RGS22: variants seen among roughly 807,000 people sequenced by gnomAD.
RGS22 encodes regulator of G protein signaling 22, also known as regulator of G-protein signaling 22.
Under a neutral mutation model 172.9 loss-of-function variants are expected in RGS22, and 148 were observed. The ratio of observed to expected loss-of-function variants is 0.86; its 90% CI spans 0.75 to 0.98. The LOEUF is 0.98. RGS22 is among the 50% of genes least tolerant of loss of function. The pLI, the probability that RGS22 is intolerant of heterozygous loss-of-function variation, is 0.00. For synonymous variants in RGS22, 458 were observed against 480.2 expected, an observed-to-expected ratio of 0.95 and a Z score of 0.60; for missense variants, 1,347 against 1,440.8, an observed-to-expected ratio of 0.93 and a Z score of 1.05.
At position 100,063,857 on chromosome 8, in the gene RGS22, C is replaced by T. The variant is rs994453098; in HGVS notation, c.911G>A (p.Ser304Asn). ...YLEKKQDVDE[S>N]LTMHFSTCEE... ...ACATGTTGAGAAATGCATTGTCAGG[C>T]TTTCATCAACATCCTGTTTCTTTTC... The change falls in exon 8 of 28, where the codon AGC becomes AAC. Residue 304 changes from serine to asparagine, a missense_variant. Physicochemically the swap from Ser to Asn is conservative, Grantham distance 46. Coordinates refer to ENST00000360863, the MANE Select transcript of RGS22 (RefSeq NM_015668.5). 5.0e-6 allele frequency: 8 copies of T among 1,611,364 alleles called. No individual in the cohort carries two copies. The highest frequency in any genetic ancestry group is 6.8e-6 in the Non-Finnish European group (8 of 1,179,108).
chr8:99,968,510 T>G (rs1251848147), intron 23 of RGS22, among the ~76,000 whole-genome samples: 1 of 152,022 alleles, frequency 6.6e-6, no homozygotes, highest in Admixed American at 6.6e-5. Context: ...AACTGCTAAC[T>G]AGAATACCAG....
At chr8:99,968,197 AG>A (rs1810957845) in intron 23 of RGS22, among the ~76,000 whole-genome samples, 1 of 152,184 alleles carries the variant, frequency 6.6e-6, no homozygotes, top group Admixed American at 6.5e-5. Context: ...ATCAACAAAA[AG>A]GGCACCCACA....
chr8:100,062,655 G>C lies in RGS22; in HGVS notation c.1450C>G (p.Gln484Glu). The C allele has an allele frequency of 6.2e-7, 1 of 1,605,746 alleles. No individual in the cohort carries two copies. Among genetic ancestry groups the C allele is most frequent in the South Asian group, 1.1e-5 (1 of 90,306 alleles). ...TTTCTTAAATGCTCTTCATTCCACT[G>C]TGATCCATCTAACAGTTTAAATTTT... ...LSKFKLLDGS[Q>E]WNEEHLRNIQ... The change falls in exon 9 of 28, where the codon CAG becomes GAG. Residue 484 changes from glutamine (Q) to glutamate (E), a missense_variant. Physicochemically the swap from Gln to Glu is conservative, Grantham distance 29. Transcript: ENST00000360863.
At position 100,007,723 on chromosome 8, in the gene RGS22, G is replaced by A. The variant is rs566082097; in HGVS notation, c.2361+652C>T. On this transcript the variant is annotated intron_variant, in intron 15 of 27. Transcript: ENST00000360863. ...TTTCTCTACTCTGACATACTTGTAC[G>A]GAGAGCAAAAAATGACATAAAGTCT... 7.9e-5 allele frequency among the ~76,000 whole-genome samples: 12 copies of A among 151,424 alleles called. No homozygotes were observed. In the East Asian group the frequency reaches 1.9e-3, roughly 24 times the overall value.
chr8:100,029,702 C>CAAAAAAAAAAAAAA (rs369058108), intron 14 of RGS22, among the ~76,000 whole-genome samples: 1 of 62,014 alleles, frequency 1.6e-5, no homozygotes, highest in African/African-American at 5.3e-5. Context: ...AACTCCGTCT[C>CAAAAAAAAAAAAAA]AAAAAAAAAA....
At chr8:100,005,241 G>A (rs1252170707) in intron 16 of RGS22, among the ~76,000 whole-genome samples, 1 of 151,960 alleles carries the variant, frequency 6.6e-6, no homozygotes, top group East Asian at 1.9e-4. Flanking sequence ...AAAATCACCT[G>A]AAACCTTACC....
At chr8:100,070,832 C>T (rs111537294) in intron 6 of RGS22, among the ~76,000 whole-genome samples, 83 of 148,640 alleles carry the variant, frequency 5.6e-4, no homozygotes, top group East Asian at 2.0e-4. Flanking sequence ...TGGTAGCTTA[C>T]GCCTGTAATC....
At chr8:100,038,532 T>C (rs1454544454) in intron 14 of RGS22, 1 of 158,704 alleles carries the variant, frequency 6.3e-6, no homozygotes, top group Admixed American at 6.3e-5. Context: ...AGCTGATATC[T>C]GCAGGAAGCT....
At chr8:99,999,601 T>C (rs1814805357) in intron 18 of RGS22, among the ~76,000 whole-genome samples, 181 bp from the exon 19 acceptor site, 1 of 152,174 alleles carries the variant, frequency 6.6e-6, no homozygotes, top group Non-Finnish European at 1.5e-5. Context: ...AGACAGACAA[T>C]TGTGGTTTAT....
At chr8:100,015,611 T>A (rs1316521137) in intron 14 of RGS22, among the ~76,000 whole-genome samples, 1 of 152,168 alleles carries the variant, frequency 6.6e-6, no homozygotes, top group Non-Finnish European at 1.5e-5. Flanking sequence ...TCATTAATAA[T>A]ATACCATTCA....
chr8:100,082,855 G>C (rs907848436), intron 3 of RGS22, among the ~76,000 whole-genome samples: 1 of 152,096 alleles, frequency 6.6e-6, no homozygotes, highest in Non-Finnish European at 1.5e-5. Context: ...ATCTACCCTG[G>C]TTTTACTAGT....
intron 24 of RGS22, among the ~76,000 whole-genome samples, chr8:99,964,091 C>G (rs1010984672): frequency 6.6e-6 from 1 of 151,958 alleles, no homozygotes; most frequent in Non-Finnish European, 1.5e-5. Context: ...CTCTTTTTAA[C>G]CGATAAGGTA....
chr8:100,001,202 T>TATATA lies in RGS22; in HGVS notation c.2790+999_2790+1000insTATAT, dbSNP rs1554611096. On this transcript the variant is annotated intron_variant, in intron 18 of 27. Transcript: ENST00000360863. ...AAACCTACCGCTGAATCCCAATTTT[T>TATATA]TATATATATATATATATACATATAT... 3.1e-4 allele frequency among the ~76,000 whole-genome samples: 39 copies of TATATA among 124,776 alleles called. 1 individual carries two copies. Among genetic ancestry groups the TATATA allele is most frequent in the African/African-American group, 1.1e-3 (35 of 32,562 alleles). 81.9% of individuals were successfully genotyped at this position (124,776 alleles called of 152,430 possible). A position where few individuals can be genotyped will look rare whatever the true frequency, so the allele number is the denominator to read the frequency against.
At chr8:100,017,591 C>T (rs1286522664) in intron 14 of RGS22, among the ~76,000 whole-genome samples, 2 of 151,960 alleles carry the variant, frequency 1.3e-5, no homozygotes, top group Non-Finnish European at 2.9e-5. Flanking sequence ...GGATAACTAA[C>T]AACTGAGTAT....
chr8:99,996,882 G>C (rs904649762), intron 19 of RGS22, among the ~76,000 whole-genome samples: 2 of 152,114 alleles, frequency 1.3e-5, no homozygotes, highest in African/African-American at 4.8e-5. Context: ...AATTTTAAAA[G>C]AGTACTAAAA....
rs1234076649 is a variant in RGS22 at position 100,105,877 on chromosome 8, C to A, written c.25+20G>T. ...CGACGCCGCGGGCTGATCCTCTGTC[C>A]CTGTGGGGCCGCCACCTACCCGCGG... is the stretch of plus-strand genomic sequence containing the variant. On this transcript the variant is annotated intron_variant, in intron 1 of 27. Transcript: ENST00000360863. The A allele has an allele frequency of 1.3e-6, 2 of 1,504,812 alleles. No individual in the cohort carries two copies. Among genetic ancestry groups the A allele is most frequent in the East Asian group, 2.9e-5 (1 of 35,026 alleles). 93.2% of individuals were successfully genotyped at this position (1,504,812 alleles called of 1,614,324 possible). A position where few individuals can be genotyped will look rare whatever the true frequency, so the allele number is the denominator to read the frequency against.
intron 22 of RGS22, among the ~76,000 whole-genome samples, chr8:99,980,391 T>A (rs996051165): frequency 1.3e-5 from 2 of 152,186 alleles, no homozygotes; most frequent in East Asian, 1.9e-4. Flanking sequence ...AGTGAGGTAG[T>A]TGAGTGGAGA....
Position 100,071,128 on chromosome 8 carries a change from C to CA in RGS22, c.594+240dup, listed in dbSNP as rs1164004895. ...TAATACCCCGTCTCTACAAAAAATG[C>CA]AAAAAAAAAGTTAGCCAGGTGTGGT... On this transcript the variant is annotated intron_variant, in intron 6 of 27. Coordinates refer to ENST00000360863, the MANE Select transcript of RGS22 (RefSeq NM_015668.5). 2.0e-5 allele frequency among the ~76,000 whole-genome samples: 3 copies of CA among 149,774 alleles called. No homozygotes were observed. In the East Asian group the frequency reaches 5.9e-4, roughly 29 times the overall value.
chr8:99,974,764 C>T (rs1461303919), intron 23 of RGS22, among the ~76,000 whole-genome samples: 4 of 149,954 alleles, frequency 2.7e-5, no homozygotes, highest in African/African-American at 9.9e-5. Flanking sequence ...TCCCACTGCA[C>T]TCCAGCCTGG....
Sources: allele counts gnomAD v4.1 joint callset (sites outside exome capture counted in the v4.1 genomes callset), GRCh38; gene constraint gnomAD v4.1.1; transcripts MANE v1.5; gene names NCBI Gene and HGNC (gene_info 2026-07-23, HGNC 2026-07-21).